The following OR5H6 variants were observed in gnomAD, a reference collection of about 807,000 sequenced individuals.
The protein encoded by OR5H6 is olfactory receptor family 5 subfamily H member 6.
For missense variants in OR5H6, 429 were observed against 358.1 expected (o/e 1.20, Z -1.60); for synonymous variants, 151 against 127.7 (o/e 1.18, Z -1.23).
rs141971040 is a variant in OR5H6 at position 98,265,146 on chromosome 3, A to G, written c.814A>G (p.Met272Val). Reference protein sequence around the residue: ...SASPQADDQDMMESLFYTVIV... With the variant: ...SASPQADDQDVMESLFYTVIV... Reference sequence around the variant, plus strand: ...ATCTCCGCAAGCAGATGACCAAGATATGATGGAGTCTCTATTTTACACTGT... The same window carrying G: ...ATCTCCGCAAGCAGATGACCAAGATGTGATGGAGTCTCTATTTTACACTGT... The change falls in exon 1 of 1, where the codon ATG becomes GTG. Residue 272 changes from methionine to valine, a missense_variant. Transcript: ENST00000615035. The G allele has an allele frequency of 1.4e-5, 23 of 1,613,306 alleles. No homozygotes were observed. Among genetic ancestry groups the G allele is most frequent in the Middle Eastern group, 1.7e-4 (1 of 6,038 alleles).
rs1430805875 is a variant in OR5H6 at position 98,264,815 on chromosome 3, T to C, written c.483T>C (p.Ala161=). 2.5e-6 allele frequency: 4 copies of C among 1,610,482 alleles called. No individual in the cohort carries two copies. Among genetic ancestry groups the C allele is most frequent in the Middle Eastern group, 1.7e-4 (1 of 6,038 alleles). Residue 161 remains alanine, a synonymous_variant, in exon 1 of 1, where the codon GCT becomes GCC. Coordinates refer to ENST00000615035, the MANE Select transcript of OR5H6 (RefSeq NM_001005479.2). The stretch of plus-strand genomic sequence containing the variant: ...TTCTTCATGCTTTAATCCATGAAGC[T>C]TTTTCATTCAGATTAACCTTCTGTA... The part of the protein sequence containing the change: ...GGLLHALIHE[A]FSFRLTFCNS...
rs1705871275 is a variant in OR5H6 at position 98,265,081 on chromosome 3, T to G, written c.749T>G (p.Leu250Ter). 8 of 1,612,742 alleles carry G rather than the reference T, an allele frequency of 5.0e-6. No homozygotes were observed. The highest frequency in any genetic ancestry group is 1.8e-4 in the Middle Eastern group (1 of 5,706). ...GGGGCTCATCTCTTATCTGTATCTT[T>G]ATACTATGGCCCCCTCACCTTCAAA... ...TCGAHLLSVSLYYGPLTFKYL... is the reference protein window; with the variant it reads ...TCGAHLLSVS Residue 250 changes from leucine (L) to a stop codon, truncating the protein, a stop_gained, in exon 1 of 1, where the codon TTA becomes TGA. Transcript: ENST00000615035. LOFTEE classifies it low-confidence loss of function (END_TRUNC).
At position 98,265,209 on chromosome 3, in the gene OR5H6, A is replaced by G. The variant is rs1705879724; in HGVS notation, c.877A>G (p.Arg293Gly). The G allele has an allele frequency of 6.2e-7, 1 of 1,601,366 alleles. No homozygotes were observed. Among genetic ancestry groups the G allele is most frequent in the Non-Finnish European group, 8.5e-7 (1 of 1,175,788 alleles). Residue 293 changes from arginine (R) to glycine (G), a missense_variant, in exon 1 of 1, where the codon AGA becomes GGA. Transcript: ENST00000615035. ...ATTAAATCCCATGATCTACAGCCTG[A>G]GAAACAAGCAAGTAATAGCTTCATT... ...PLLNPMIYSL[R>G]NKQVIASFTK...
At position 98,264,643 on chromosome 3, in the gene OR5H6, TTG is replaced by T. The variant is rs780822285; in HGVS notation, c.313_314del (p.Val105AsnfsTer16). ...GAATGCATGGTACAATTTTTTTCCC[TTG>T]TAACCACTGTAACCACAGAATGTTT... On this transcript the variant is annotated frameshift_variant, in exon 1 of 1. Transcript: ENST00000615035. LOFTEE classifies it low-confidence loss of function (END_TRUNC). 63 of 1,612,272 alleles carry T rather than the reference TTG, an allele frequency of 3.9e-5. No individual in the cohort carries two copies. The highest frequency in any genetic ancestry group is 5.3e-5 in the Non-Finnish European group (62 of 1,178,692).
In OR5H6 at chr3:98,265,204, G is replaced by A. The variant is rs778194503; in HGVS notation, c.872G>A (p.Ser291Asn). The A allele has an allele frequency of 6.2e-7, 1 of 1,603,082 alleles. No individual in the cohort carries two copies. The part of the protein sequence containing the change: ...IVPLLNPMIY[S>N]LRNKQVIASF... Reference sequence around the variant, plus strand: ...CCTTTATTAAATCCCATGATCTACAGCCTGAGAAACAAGCAAGTAATAGCT... The same window carrying A: ...CCTTTATTAAATCCCATGATCTACAACCTGAGAAACAAGCAAGTAATAGCT... Residue 291 changes from serine (S) to asparagine (N), a missense_variant, in exon 1 of 1, where the codon AGC becomes AAC. Physicochemically the swap from Ser to Asn is conservative, Grantham distance 46. Transcript: ENST00000615035.
Position 98,265,088 on chromosome 3 carries a change from T to C in OR5H6, c.756T>C (p.Tyr252=), listed in dbSNP as rs1255563656. 1.9e-6 allele frequency: 3 copies of C among 1,612,788 alleles called. No individual in the cohort carries two copies. Among genetic ancestry groups the C allele is most frequent in the South Asian group, 1.1e-5 (1 of 91,014 alleles). Reference sequence around the variant, plus strand: ...ATCTCTTATCTGTATCTTTATACTATGGCCCCCTCACCTTCAAATATCTGG... The same window carrying C: ...ATCTCTTATCTGTATCTTTATACTACGGCCCCCTCACCTTCAAATATCTGG... ...GAHLLSVSLY[Y]GPLTFKYLGS... The change falls in exon 1 of 1, where the codon TAT becomes TAC. Residue 252 remains tyrosine (Y), a synonymous_variant. Transcript: ENST00000615035.
rs1559838643 is a variant in OR5H6, at chr3:98,264,291, C to T, written c.-42C>T. ...ACTCACAATTCCATTGCAAATGTTC[C>T]TTTACCTTTGCTTCATTTTTCAGAG... is the stretch of plus-strand genomic sequence containing the variant. On this transcript the variant is annotated 5_prime_UTR_variant, in exon 1 of 1. Transcript: ENST00000615035. 1 of 1,609,164 alleles carries T rather than the reference C, an allele frequency of 6.2e-7. No individual in the cohort carries two copies. The highest frequency in any genetic ancestry group is 1.1e-5 in the South Asian group (1 of 90,474).
Position 98,264,461 on chromosome 3 carries a change from T to C in OR5H6, c.129T>C (p.Leu43=), listed in dbSNP as rs201308813. Residue 43 remains leucine (L), a synonymous_variant, in exon 1 of 1, where the codon CTT becomes CTC. Transcript: ENST00000615035. The part of the protein sequence containing the change: ...VIYLITIMGN[L]GLIVLIWKDP... ...ATCTCATCACCATCATGGGGAATCT[T>C]GGTCTAATTGTTCTCATCTGGAAAG... is the stretch of plus-strand genomic sequence containing the variant. 60 of 1,612,314 alleles carry C rather than the reference T, an allele frequency of 3.7e-5. No individual in the cohort carries two copies. The South Asian group carries it at 6.4e-4, about 17-fold the overall frequency.
Position 98,264,340 on chromosome 3 carries a change from A to G in OR5H6, c.8A>G (p.Glu3Gly), listed in dbSNP as rs745411905. 1 of 1,612,974 alleles carries G rather than the reference A, an allele frequency of 6.2e-7. No homozygotes were observed. The highest frequency in any genetic ancestry group is 1.3e-5 in the African/African-American group (1 of 74,892). MEEENATLLTEFV... is the reference protein window; with the variant it reads MEGENATLLTEFV... ...AGGACATGCAGTGAGGAGATGGAAG[A>G]GGAAAATGCAACATTGCTGACAGAG... Residue 3 changes from glutamate to glycine, a missense_variant, in exon 1 of 1, where the codon GAG (glutamate) becomes GGG (glycine). By Grantham distance (98) the Glu-to-Gly change is moderately conservative. Transcript: ENST00000615035.
rs751947317 is a variant in OR5H6 at position 98,264,608 on chromosome 3, A to C, written c.276A>C (p.Ile92=). Residue 92 remains isoleucine, a synonymous_variant, in exon 1 of 1, where the codon ATA becomes ATC. Coordinates refer to ENST00000615035, the MANE Select transcript of OR5H6 (RefSeq NM_001005479.2). ...LINFLAKSKM[I]SLSECMVQFF... is the part of the protein sequence containing the mutation. Reference sequence around the variant, plus strand: ...ACTTCTTAGCTAAGAGTAAGATGATATCTCTCTCTGAATGCATGGTACAAT... The same window carrying C: ...ACTTCTTAGCTAAGAGTAAGATGATCTCTCTCTCTGAATGCATGGTACAAT... 31 of 1,611,224 alleles carry C rather than the reference A, an allele frequency of 1.9e-5. No homozygotes were observed. The highest frequency in any genetic ancestry group is 1.2e-4 in the Admixed American group (7 of 59,834).
chr3:98,264,398 C>T lies in OR5H6; in HGVS notation c.66C>T (p.Asp22=), dbSNP rs1559838725. The T allele has an allele frequency of 1.2e-6, 2 of 1,612,852 alleles. No individual in the cohort carries two copies. Among genetic ancestry groups the T allele is most frequent in the Admixed American group, 1.7e-5 (1 of 59,976 alleles). The change falls in exon 1 of 1, where the codon GAC becomes GAT. Residue 22 remains aspartate (D), a synonymous_variant. Coordinates refer to ENST00000615035, the MANE Select transcript of OR5H6 (RefSeq NM_001005479.2). ...TCACAGGATTTTTACATCAACCTGA[C>T]TGTAAAATACCGCTCTTCCTGGCAT... The part of the protein sequence containing the change: ...FVLTGFLHQP[D]CKIPLFLAFL...
At position 98,264,890 on chromosome 3, in the gene OR5H6, G is replaced by A. The variant is rs746275799; in HGVS notation, c.558G>A (p.Lys186=). 8.7e-6 allele frequency: 14 copies of A among 1,610,920 alleles called. No individual in the cohort carries two copies. The highest frequency in any genetic ancestry group is 1.1e-5 in the Non-Finnish European group (13 of 1,178,618). Reference sequence around the variant, plus strand: ...ACTGTGACATTATCCCATTGTTAAAGATTTCCTGTACTGATTCCTCTATTA... The same window carrying A: ...ACTGTGACATTATCCCATTGTTAAAAATTTCCTGTACTGATTCCTCTATTA... ...HFYCDIIPLL[K]ISCTDSSINF... The change falls in exon 1 of 1, where the codon AAG becomes AAA. Residue 186 remains lysine (K), a synonymous_variant. Transcript: ENST00000615035.
rs778198207 is a variant in OR5H6 at position 98,264,422 on chromosome 3, A to G, written c.90A>G (p.Ala30=). The G allele has an allele frequency of 1.9e-6, 3 of 1,612,748 alleles. No individual in the cohort carries two copies. In the African/African-American group the frequency reaches 4.0e-5, roughly 22 times the overall value. The change falls in exon 1 of 1, where the codon GCA becomes GCG. Residue 30 remains alanine (A), a synonymous_variant. Coordinates refer to ENST00000615035, the MANE Select transcript of OR5H6 (RefSeq NM_001005479.2). ...QPDCKIPLFL[A]FLVIYLITIM... ...ACTGTAAAATACCGCTCTTCCTGGC[A>G]TTCTTGGTAATATATCTCATCACCA...
chr3:98,264,591 G>A lies in OR5H6; in HGVS notation c.259G>A (p.Ala87Thr). Residue 87 changes from alanine to threonine, a missense_variant, in exon 1 of 1, where the codon GCT becomes ACT. Coordinates refer to ENST00000615035, the MANE Select transcript of OR5H6 (RefSeq NM_001005479.2). ...VTPKMLINFL[A>T]KSKMISLSEC... ...TCCGAAGATGCTGATCAACTTCTTA[G>A]CTAAGAGTAAGATGATATCTCTCTC... is the stretch of plus-strand genomic sequence containing the variant. The A allele has an allele frequency of 1.2e-6, 2 of 1,612,656 alleles. No individual in the cohort carries two copies. The highest frequency in any genetic ancestry group is 1.7e-6 in the Non-Finnish European group (2 of 1,178,842).
rs1158481127 is a variant in OR5H6, at chr3:98,264,942, G to T, written c.610G>T (p.Gly204Cys). 2 of 1,606,046 alleles carry T rather than the reference G, an allele frequency of 1.2e-6. No individual in the cohort carries two copies. Among genetic ancestry groups the T allele is most frequent in the Non-Finnish European group, 1.7e-6 (2 of 1,177,228 alleles). ...CTTTCTAATGGTTTTTATTTTCGCA[G>T]GTTCTGTTCAAGTTTTTACCATTGG... ...INFLMVFIFA[G>C]SVQVFTIGTI... Residue 204 changes from glycine to cysteine, a missense_variant, in exon 1 of 1, where the codon GGT becomes TGT. Coordinates refer to ENST00000615035, the MANE Select transcript of OR5H6 (RefSeq NM_001005479.2).
Position 98,265,021 on chromosome 3 carries a change from CT to C in OR5H6, c.690del (p.Ile231SerfsTer42). 1 of 1,612,850 alleles carries C rather than the reference CT, an allele frequency of 6.2e-7. No homozygotes were observed. ...CTCTTTACAATCTTAGAAAAGAAGT[CT>C]ATCAAAGGGATACGAAAAGCTGTCT... is the stretch of plus-strand genomic sequence containing the variant. The part of the protein sequence containing the change: ...IILFTILEKK[S>X]IKGIRKAVST... On this transcript the variant is annotated frameshift_variant, in exon 1 of 1. Transcript: ENST00000615035. LOFTEE classifies it low-confidence loss of function (END_TRUNC).
Position 98,264,568 on chromosome 3 carries a change from C to G in OR5H6, c.236C>G (p.Pro79Arg). ...GCTTCGTTATCATCCACAGTGACTCCGAAGATGCTGATCAACTTCTTAGCT... is the reference window on the plus strand; with the variant it reads ...GCTTCGTTATCATCCACAGTGACTCGGAAGATGCTGATCAACTTCTTAGCT... ...VDASLSSTVT[P>R]KMLINFLAKS... Residue 79 changes from proline (P) to arginine (R), a missense_variant, in exon 1 of 1, where the codon CCG becomes CGG. Transcript: ENST00000615035. 2 of 1,612,498 alleles carry G rather than the reference C, an allele frequency of 1.2e-6. No homozygotes were observed. Among genetic ancestry groups the G allele is most frequent in the South Asian group, 1.1e-5 (1 of 91,048 alleles).
At position 98,264,410 on chromosome 3, in the gene OR5H6, G is replaced by C. The variant is rs141607315; in HGVS notation, c.78G>C (p.Pro26=). The change falls in exon 1 of 1, where the codon CCG becomes CCC. Residue 26 remains proline (P), a synonymous_variant. Coordinates refer to ENST00000615035, the MANE Select transcript of OR5H6 (RefSeq NM_001005479.2). ...GFLHQPDCKI[P]LFLAFLVIYL... is the part of the protein sequence containing the mutation. ...TACATCAACCTGACTGTAAAATACC[G>C]CTCTTCCTGGCATTCTTGGTAATAT... The C allele has an allele frequency of 3.9e-3, 6,311 of 1,612,692 alleles. 221 individuals carry two copies. In the African/African-American group the frequency reaches 0.071, roughly 18 times the overall value.
Position 98,264,267 on chromosome 3 carries a change from C to A in OR5H6, c.-66C>A. On this transcript the variant is annotated 5_prime_UTR_variant, in exon 1 of 1. Coordinates refer to ENST00000615035, the MANE Select transcript of OR5H6 (RefSeq NM_001005479.2). Reference sequence around the variant, plus strand: ...TTCAACACCTCTTCCCCAATTTCAACTCACAATTCCATTGCAAATGTTCCT... The same window carrying A: ...TTCAACACCTCTTCCCCAATTTCAAATCACAATTCCATTGCAAATGTTCCT... 6.3e-7 allele frequency: 1 copy of A among 1,591,954 alleles called. No individual in the cohort carries two copies. Among genetic ancestry groups the A allele is most frequent in the East Asian group, 2.2e-5 (1 of 44,672 alleles).
Sources: allele counts gnomAD v4.1 joint callset, GRCh38; gene constraint gnomAD v4.1.1; transcripts MANE v1.5; gene names NCBI Gene and HGNC (gene_info 2026-07-23, HGNC 2026-07-21).